Variants in IGF2BP2 observed in about 807,000 individuals in gnomAD.
IGF2BP2 encodes the protein insulin-like growth factor 2 mRNA-binding protein 2.
IGF2BP2 carries 17 observed loss-of-function variants against 75.8 expected under a neutral mutation model. The ratio of observed to expected loss-of-function variants is 0.22; its 90% CI spans 0.15 to 0.34. The LOEUF is 0.34. Ranked by LOEUF, IGF2BP2 falls within the 10% of genes least tolerant of loss-of-function variation. The pLI is 1.00. For missense variants in IGF2BP2, 516 were observed against 772.4 expected, an observed-to-expected ratio of 0.67 and a Z score of 3.93; for synonymous variants, 288 against 295.6, an observed-to-expected ratio of 0.97 and a Z score of 0.26.
chr3:185,799,571 AC>A (rs1212506328), intron 2 of IGF2BP2, among the ~76,000 whole-genome samples: 1 of 151,896 alleles, frequency 6.6e-6, no homozygotes, highest in East Asian at 1.9e-4. Flanking sequence ...ACACGGTGAA[AC>A]CCCGTCTCTA....
Position 185,675,404 on chromosome 3 carries a change from C to A in IGF2BP2, c.963G>T (p.Pro321=). 6.2e-7 allele frequency: 1 copy of A among 1,612,312 alleles called. No individual in the cohort carries two copies. Among genetic ancestry groups the A allele is most frequent in the South Asian group, 1.1e-5 (1 of 90,588 alleles). Residue 321 remains proline (P), a synonymous_variant, in exon 9 of 16, where the codon CCG becomes CCT. Coordinates refer to ENST00000382199, the MANE Select transcript of IGF2BP2 (RefSeq NM_006548.6). ...TGCCCTTCACAGTGATGGTTCTTTCCGGGTTGTATATGCTCAAATCCTGCA... is the reference window on the plus strand; with the variant it reads ...TGCCCTTCACAGTGATGGTTCTTTCAGGGTTGTATATGCTCAAATCCTGCA... The part of the protein sequence containing the change: ...SSLQDLSIYN[P]ERTITVKGTV...
At chr3:185,726,118 ATT>A (rs1727292192) in intron 2 of IGF2BP2, among the ~76,000 whole-genome samples, 1 of 152,224 alleles carries the variant, frequency 6.6e-6, no homozygotes, top group African/African-American at 2.4e-5. Context: ...CAGATGCAGA[ATT>A]CTGAGAGTAT....
At chr3:185,734,861 C>T (rs1339852082) in intron 2 of IGF2BP2, among the ~76,000 whole-genome samples, 2 of 152,100 alleles carry the variant, frequency 1.3e-5, no homozygotes, top group African/African-American at 4.8e-5. Flanking sequence ...TCCAGGTTTT[C>T]CCACTTACCA....
chr3:185,689,092 G>C (rs1235369770), intron 6 of IGF2BP2: 1 of 446,448 alleles, frequency 2.2e-6, no homozygotes, highest in East Asian at 4.1e-5. Flanking sequence ...GCATCCATAA[G>C]CATTAGTTCG....
intron 2 of IGF2BP2, among the ~76,000 whole-genome samples, chr3:185,791,439 C>A (rs1000099932): frequency 3.3e-5 from 5 of 152,220 alleles, no homozygotes; most frequent in Non-Finnish European, 5.9e-5. Flanking sequence ...AAAGACATTT[C>A]TTGAGAAACT....
intron 2 of IGF2BP2, among the ~76,000 whole-genome samples, chr3:185,726,166 C>T (rs1284904476): frequency 6.6e-6 from 1 of 152,020 alleles, no homozygotes; most frequent in Non-Finnish European, 1.5e-5. Context: ...GTGCGATCAT[C>T]ATTAGTGCCA....
chr3:185,654,184 G>A (rs1715056910), intron 12 of IGF2BP2, among the ~76,000 whole-genome samples: 1 of 152,146 alleles, frequency 6.6e-6, no homozygotes, highest in Admixed American at 6.5e-5. Context: ...TGAGACTCAG[G>A]TGATCAACAG....
At position 185,791,288 on chromosome 3, in the gene IGF2BP2, GAAGA is replaced by G. The variant is rs1736612465; in HGVS notation, c.239+31861_239+31864del. 1.1e-4 allele frequency among the ~76,000 whole-genome samples: 17 copies of G among 152,304 alleles called. No homozygotes were observed. In the South Asian group the frequency reaches 3.5e-3, roughly 32 times the overall value. ...TGTATGTCCTACTTCCAGCTCTGAC[GAAGA>G]GTTCGACATAAATTCTTGAGTTTCA... On this transcript the variant is annotated intron_variant, in intron 2 of 15. Transcript: ENST00000382199.
At chr3:185,782,880 A>G (rs538676066) in intron 2 of IGF2BP2, among the ~76,000 whole-genome samples, 23 of 152,252 alleles carry the variant, frequency 1.5e-4, no homozygotes, top group Admixed American at 1.1e-3. Context: ...CCCACCTGAG[A>G]TGTTCTCCCA....
intron 7 of IGF2BP2, among the ~76,000 whole-genome samples, chr3:185,686,439 A>C (rs1721149905): frequency 6.6e-6 from 1 of 152,082 alleles, no homozygotes; most frequent in Non-Finnish European, 1.5e-5. Flanking sequence ...TAGAAGAAAA[A>C]AGTGGAAGAA....
In IGF2BP2 at chr3:185,783,352, G is replaced by A. The variant is rs374365355; in HGVS notation, c.239+39801C>T. On this transcript the variant is annotated intron_variant, in intron 2 of 15. Coordinates refer to ENST00000382199, the MANE Select transcript of IGF2BP2 (RefSeq NM_006548.6). ...TGGGAGAGTGGGCTAGGCCCTCCAG[G>A]GTTACAGGGAGCTCTGCACAGGGGA... Among the ~76,000 whole-genome samples, 271 of 152,300 alleles carry A rather than the reference G, an allele frequency of 1.8e-3. 1 individual carries two copies. Among genetic ancestry groups the A allele is most frequent in the African/African-American group, 6.3e-3 (261 of 41,564 alleles).
intron 2 of IGF2BP2, among the ~76,000 whole-genome samples, chr3:185,733,253 A>C (rs1380283275): frequency 6.6e-6 from 1 of 152,244 alleles, no homozygotes; most frequent in African/African-American, 2.4e-5. Flanking sequence ...ATATTTTCTC[A>C]ATCCATTTCC....
At chr3:185,799,280 C>T (rs928782981) in intron 2 of IGF2BP2, among the ~76,000 whole-genome samples, 26 of 151,956 alleles carry the variant, frequency 1.7e-4, no homozygotes, top group Admixed American at 7.2e-4. Context: ...TGCCTGTAGT[C>T]GCAGCTACTT....
intron 13 of IGF2BP2, among the ~76,000 whole-genome samples, chr3:185,651,616 AAT>A (rs946521746): frequency 6.6e-6 from 1 of 152,214 alleles, no homozygotes; most frequent in Non-Finnish European, 1.5e-5. Flanking sequence ...TAAATAAATA[AAT>A]ATGTGTTTCT....
At chr3:185,760,861 T>A (rs189375802) in intron 2 of IGF2BP2, among the ~76,000 whole-genome samples, 12 of 152,330 alleles carry the variant, frequency 7.9e-5, no homozygotes, top group Non-Finnish European at 1.3e-4. Flanking sequence ...TTAATAACTG[T>A]GTAGCATATT....
At chr3:185,791,908 A>G (rs903073332) in intron 2 of IGF2BP2, among the ~76,000 whole-genome samples, 1 of 152,228 alleles carries the variant, frequency 6.6e-6, no homozygotes, top group African/African-American at 2.4e-5. Context: ...GCTGGAGGGA[A>G]GGAGAAGGAA....
intron 2 of IGF2BP2, among the ~76,000 whole-genome samples, chr3:185,814,286 T>A (rs1740312837): frequency 6.6e-6 from 1 of 152,168 alleles, no homozygotes. Context: ...TCTGACTCTC[T>A]TAAATAAAGG....
intron 2 of IGF2BP2, among the ~76,000 whole-genome samples, chr3:185,706,068 T>C (rs2149393260): frequency 6.6e-6 from 1 of 152,308 alleles, no homozygotes; most frequent in African/African-American, 2.4e-5. Context: ...TCTTAATTGT[T>C]TCCTGTTGAA....
chr3:185,705,312 G>A (rs1332568684), intron 2 of IGF2BP2, among the ~76,000 whole-genome samples: 1 of 152,056 alleles, frequency 6.6e-6, no homozygotes, highest in Admixed American at 6.5e-5. Flanking sequence ...GGCCAGGGTG[G>A]TCTCGATCTC....
Sources: allele counts gnomAD v4.1 joint callset (sites outside exome capture counted in the v4.1 genomes callset), GRCh38; gene constraint gnomAD v4.1.1; transcripts MANE v1.5; gene names NCBI Gene and HGNC (gene_info 2026-07-23, HGNC 2026-07-21).